SNTG1: variants seen among roughly 807,000 people sequenced by gnomAD.
SNTG1 encodes the protein syntrophin gamma 1.
SNTG1 carries 39 observed loss-of-function variants against 74.7 expected under a neutral mutation model. The ratio of observed to expected loss-of-function variants is 0.52; its 90% CI spans 0.40 to 0.68. The LOEUF is 0.68. SNTG1 is among the 30% of genes least tolerant of loss of function. The pLI, the probability that SNTG1 is intolerant of heterozygous loss-of-function variation, is 0.00. For missense variants in SNTG1, 685 were observed against 609.5 expected (o/e 1.12, Z -1.30); for synonymous variants, 254 against 217.1 (o/e 1.17, Z -1.49).
intron 2 of SNTG1, among the ~76,000 whole-genome samples, chr8:50,377,760 A>C (rs1037727310): frequency 6.6e-6 from 1 of 152,234 alleles, no homozygotes; most frequent in Admixed American, 6.5e-5. Context: ...AGACATTTGA[A>C]GCCCACATAA....
chr8:50,381,466 G>GA (rs1184266940), intron 2 of SNTG1, among the ~76,000 whole-genome samples: 2 of 148,944 alleles, frequency 1.3e-5, no homozygotes, highest in Non-Finnish European at 1.5e-5. Context: ...TTTGTTGTTG[G>GA]AAAAAAAATC....
chr8:50,434,220 C>T (rs2093276360), intron 4 of SNTG1, among the ~76,000 whole-genome samples: 1 of 152,124 alleles, frequency 6.6e-6, no homozygotes, highest in Non-Finnish European at 1.5e-5. Context: ...GACATGAACT[C>T]ATCCTTTTTT....
intron 4 of SNTG1, among the ~76,000 whole-genome samples, chr8:50,405,908 C>G (rs778892522): frequency 2.0e-5 from 3 of 151,990 alleles, no homozygotes; most frequent in Non-Finnish European, 4.4e-5. Flanking sequence ...GTATTTGTGG[C>G]CTCTCTATTC....
At chr8:50,622,411 T>C (rs2094929163) in intron 13 of SNTG1, among the ~76,000 whole-genome samples, 1 of 152,162 alleles carries the variant, frequency 6.6e-6, no homozygotes, top group Non-Finnish European at 1.5e-5. Flanking sequence ...TCTGTAGGTT[T>C]TTTTCCTTAA....
intron 1 of SNTG1, among the ~76,000 whole-genome samples, chr8:50,038,050 C>T (rs1818309347): frequency 6.6e-6 from 1 of 152,172 alleles, no homozygotes; most frequent in Non-Finnish European, 1.5e-5. Flanking sequence ...GATACGCTTT[C>T]CTAAGACTTC....
chr8:50,367,138 G>A lies in SNTG1; in HGVS notation c.-27-27074G>A, dbSNP rs982186121. Among the ~76,000 whole-genome samples, 4 of 151,492 alleles carry A rather than the reference G, an allele frequency of 2.6e-5. 1 individual carries two copies. The highest frequency in any genetic ancestry group is 5.9e-5 in the Non-Finnish European group (4 of 67,868). On this transcript the variant is annotated intron_variant, in intron 2 of 18. Transcript: ENST00000642720. ...ATAGGTGATTCTAAGAGAATATTTG[G>A]AAAACATTCATTTATATAATAGAGT...
chr8:50,667,109 G>C (rs1357855398), intron 15 of SNTG1, among the ~76,000 whole-genome samples: 1 of 151,622 alleles, frequency 6.6e-6, no homozygotes, highest in Non-Finnish European at 1.5e-5. Flanking sequence ...CATAAATTAA[G>C]GTATAACGGA....
Position 50,259,518 on chromosome 8 carries a change from AAGAAAGAAAGAAAGAAAG to A in SNTG1, c.-28+86885_-28+86902del, listed in dbSNP as rs1563810337. ...TGTCTCAAAAAAAAAAAAAGAAAGA[AAGAAAGAAAGAAAGAAAG>A]AAAGAAAGAAAGAAAGAAAGAAAGA... On this transcript the variant is annotated intron_variant, in intron 2 of 18. Coordinates refer to ENST00000642720, the MANE Select transcript of SNTG1 (RefSeq NM_018967.5). Among the ~76,000 whole-genome samples the A allele has an allele frequency of 6.9e-3, 60 of 8,742 alleles. 7 individuals carry two copies. In the Admixed American group the frequency reaches 0.089, roughly 13 times the overall value. The allele number at this position is 8,742 out of a possible 152,430, so 5.7% of individuals were successfully genotyped here. A position where few individuals can be genotyped will look rare whatever the true frequency, so the allele number is the denominator to read the frequency against.
chr8:50,399,853 G>A (rs2092778858), intron 3 of SNTG1, among the ~76,000 whole-genome samples: 1 of 152,272 alleles, frequency 6.6e-6, no homozygotes, highest in South Asian at 2.1e-4. Context: ...TTCACTTAAA[G>A]TATTCTCTAG....
At chr8:50,495,556 A>G (rs1257102184) in intron 8 of SNTG1, among the ~76,000 whole-genome samples, 1 of 151,246 alleles carries the variant, frequency 6.6e-6, no homozygotes, top group South Asian at 2.1e-4. Flanking sequence ...AAGTTATGTG[A>G]TAAGGTTTTC....
chr8:50,682,074 A>C (rs1303213399), intron 15 of SNTG1, among the ~76,000 whole-genome samples: 1 of 152,188 alleles, frequency 6.6e-6, no homozygotes, highest in Non-Finnish European at 1.5e-5. Context: ...TTGGTACCAA[A>C]AAGAAGAAAT....
intron 1 of SNTG1, among the ~76,000 whole-genome samples, chr8:50,084,608 A>G (rs1038813448): frequency 1.3e-5 from 2 of 152,230 alleles, no homozygotes; most frequent in Admixed American, 6.5e-5. Flanking sequence ...GTGCTATAAC[A>G]TCTAAAATCA....
At chr8:50,710,439 A>G (rs975657637) in intron 17 of SNTG1, among the ~76,000 whole-genome samples, 18 of 152,196 alleles carry the variant, frequency 1.2e-4, no homozygotes, top group Non-Finnish European at 2.9e-5. Flanking sequence ...GTAATAAGTT[A>G]ATTTTATAAA....
intron 15 of SNTG1, among the ~76,000 whole-genome samples, chr8:50,664,619 C>T (rs1285818196): frequency 1.3e-5 from 2 of 152,134 alleles, no homozygotes; most frequent in Non-Finnish European, 1.5e-5. Context: ...CTCTGGGCAC[C>T]ATGATCACCT....
At chr8:50,502,924 A>C in intron 9 of SNTG1, 44 bp downstream of exon 9, 1 of 1,408,828 alleles carries the variant, frequency 7.1e-7, no homozygotes, top group South Asian at 1.3e-5. Flanking sequence ...ACATCATTAT[A>C]GTTACATAAT....
chr8:49,929,143 T>C (rs116236989), intron 1 of SNTG1, among the ~76,000 whole-genome samples: 1 of 152,174 alleles, frequency 6.6e-6, no homozygotes, highest in Non-Finnish European at 1.5e-5. Context: ...CAAGATAACA[T>C]TTATTTAAAA....
chr8:50,494,158 T>C (rs1003694954), intron 8 of SNTG1, among the ~76,000 whole-genome samples: 2 of 151,318 alleles, frequency 1.3e-5, no homozygotes, highest in African/African-American at 2.4e-5. Flanking sequence ...TATACACATA[T>C]ATATATGTAC....
chr8:50,591,051 A>G (rs558634837), intron 13 of SNTG1, 134 bp downstream of exon 13: 33 of 512,402 alleles, frequency 6.4e-5, no homozygotes, highest in African/African-American at 5.6e-4. Context: ...AGAAACATAC[A>G]TTTCAGATAT....
rs2081563785 is a variant in SNTG1, at chr8:50,138,771, T to C, written c.-102-33790T>C. On this transcript the variant is annotated intron_variant, in intron 1 of 18. Coordinates refer to ENST00000642720, the MANE Select transcript of SNTG1 (RefSeq NM_018967.5). ...GCAGTTGTGTTTTTTCCCAATAAAA[T>C]AGTTATCTATTTTAAACAGAAAAAT... Among the ~76,000 whole-genome samples the C allele has an allele frequency of 2.0e-5, 3 of 151,808 alleles. No homozygotes were observed. In the South Asian group the frequency reaches 6.2e-4, roughly 31 times the overall value.
Sources: allele counts gnomAD v4.1 joint callset (sites outside exome capture counted in the v4.1 genomes callset), GRCh38; gene constraint gnomAD v4.1.1; transcripts MANE v1.5; gene names NCBI Gene and HGNC (gene_info 2026-07-23, HGNC 2026-07-21).